Variants in CELF2 observed in about 807,000 individuals in gnomAD.
The protein encoded by CELF2 is CUG triplet repeat RNA-binding protein 2.
In CELF2, 8 loss-of-function variants were observed where a neutral mutation model predicts 62.6. That is an observed-to-expected ratio of 0.13 (90% CI 0.07 to 0.23). CELF2 has a LOEUF of 0.23. Among genes scored for constraint, CELF2 ranks in the 10% least tolerant of loss-of-function variants. CELF2 has a pLI of 1.00. For synonymous variants in CELF2, 258 were observed against 250.0 expected, an observed-to-expected ratio of 1.03 and a Z score of -0.30; for missense variants, 333 against 671.0, an observed-to-expected ratio of 0.50 and a Z score of 5.56.
At chr10:11,312,045 T>C (rs1020099500) in intron 9 of CELF2, among the ~76,000 whole-genome samples, 11 of 152,150 alleles carry the variant, frequency 7.2e-5, no homozygotes, top group African/African-American at 2.7e-4. Context: ...AGAAGATCTT[T>C]AAAACAGAGA....
chr10:11,014,923 A>G (rs1420061531), upstream of CELF2, among the ~76,000 whole-genome samples: 2 of 152,204 alleles, frequency 1.3e-5, no homozygotes, highest in Non-Finnish European at 2.9e-5. Context: ...AGCTAAAACT[A>G]TGAGGAAACT....
chr10:10,780,422 T>C, the CELF2 span, among the ~76,000 whole-genome samples: 1 of 152,184 alleles, frequency 6.6e-6, no homozygotes, highest in Non-Finnish European at 1.5e-5. Context: ...CCTCTTTCCA[T>C]CCTAATCTGT....
At chr10:10,998,724 A>C (rs1329867836) in intron 2 of CELF2, among the ~76,000 whole-genome samples, 2 of 152,170 alleles carry the variant, frequency 1.3e-5, no homozygotes, top group African/African-American at 4.8e-5. Flanking sequence ...TGAAGCATTA[A>C]ATGCAAAAAG....
Position 11,145,940 on chromosome 10 carries a change from A to C in CELF2, c.75-19546A>C, listed in dbSNP as rs2062187690. ...TTTCATTTTCTAACTACTACTTAAA[A>C]TCCAAGAACATTGTGAGAATACCTA... On this transcript the variant is annotated intron_variant, in intron 1 of 12. Transcript: ENST00000633077. This position sits in a 1 kb window ranked among gnomAD's most constrained non-coding sequence, Gnocchi z 4.3. Among the ~76,000 whole-genome samples, 1 of 152,172 alleles carries C rather than the reference A, an allele frequency of 6.6e-6. No individual in the cohort carries two copies. The highest frequency in any genetic ancestry group is 6.5e-5 in the Admixed American group (1 of 15,274).
intron 1 of CELF2, among the ~76,000 whole-genome samples, chr10:11,057,303 G>A (rs1043669558): frequency 2.0e-5 from 3 of 152,064 alleles, no homozygotes; most frequent in African/African-American, 7.2e-5. Flanking sequence ...GGGGTGGGGG[G>A]TGGTCCAGCC....
chr10:10,592,348 A>AT, the CELF2 span, among the ~76,000 whole-genome samples: 3 of 152,224 alleles, frequency 2.0e-5, no homozygotes, highest in Admixed American at 6.5e-5. Context: ...CTCTGGGTAG[A>AT]TTTTTTCTAT....
Position 11,217,488 on chromosome 10 carries a change from A to G in CELF2, c.335A>G (p.Asn112Ser). Residue 112 changes from asparagine to serine, a missense_variant, in exon 3 of 13, where the codon AAT becomes AGT. Physicochemically the swap from Asn to Ser is conservative, Grantham distance 46 (BLOSUM62 1). This residue lies in a region of CELF2 where 253 missense variants were observed against 503.0 expected (regional missense o/e 0.50). Coordinates refer to ENST00000633077, the MANE Select transcript of CELF2 (RefSeq NM_001326342.2). The surrounding 1 kb of genome is among the most constrained non-coding windows in gnomAD (Gnocchi z 5.6). ...CTTGAGGCCCAGAATGCACTGCACA[A>G]TATTAAAACTTTACCTGGGGTGAGT... ...AALEAQNALH[N>S]IKTLPGMHHP... 1.2e-6 allele frequency: 2 copies of G among 1,611,650 alleles called. No individual in the cohort carries two copies. Among genetic ancestry groups the G allele is most frequent in the Admixed American group, 3.3e-5 (2 of 59,800 alleles).
chr10:10,539,385 T>G, the CELF2 span, among the ~76,000 whole-genome samples: 1 of 152,214 alleles, frequency 6.6e-6, no homozygotes, highest in East Asian at 1.9e-4. Context: ...GATTGGCCTT[T>G]TGCTTAATTA....
chr10:10,778,425 C>T, the CELF2 span, among the ~76,000 whole-genome samples: 1 of 152,118 alleles, frequency 6.6e-6, no homozygotes, highest in Non-Finnish European at 1.5e-5. Context: ...TAGGTCAAGC[C>T]AGGAAAAGAG....
intron 9 of CELF2, among the ~76,000 whole-genome samples, chr10:11,303,946 G>T (rs1450379539): frequency 6.6e-6 from 1 of 152,196 alleles, no homozygotes; most frequent in Non-Finnish European, 1.5e-5. Flanking sequence ...CGTGCTTTTG[G>T]CAATGAGCAG....
chr10:10,889,798 G>A (rs1296020694), intron 1 of CELF2, among the ~76,000 whole-genome samples: 1 of 152,190 alleles, frequency 6.6e-6, no homozygotes, highest in African/African-American at 2.4e-5. Flanking sequence ...TATTGCATAG[G>A]AGAGTCTTCC....
the CELF2 span, among the ~76,000 whole-genome samples, chr10:10,778,712 A>T: frequency 6.6e-6 from 1 of 152,212 alleles, no homozygotes. Flanking sequence ...TATATGTAAA[A>T]AATGAATAAA....
intron 9 of CELF2, among the ~76,000 whole-genome samples, chr10:11,298,728 CT>C (rs2093428507): frequency 6.6e-6 from 1 of 151,372 alleles, no homozygotes; most frequent in African/African-American, 2.4e-5. Context: ...TAAATGTATA[CT>C]GGTGCTTTTT....
the CELF2 span, among the ~76,000 whole-genome samples, chr10:10,693,577 G>C: frequency 1.3e-5 from 2 of 151,072 alleles, no homozygotes; most frequent in African/African-American, 4.9e-5. Flanking sequence ...AATAGTTTCA[G>C]AAGGAATGGT....
At chr10:10,792,626 C>T in the CELF2 span, 8 of 391,254 alleles carry the variant, frequency 2.0e-5, no homozygotes, top group Admixed American at 3.6e-4. Context: ...GTGTGATTCC[C>T]TGGTCTATGA....
At chr10:10,855,299 C>G (rs1243254267) in intron 1 of CELF2, among the ~76,000 whole-genome samples, 1 of 152,176 alleles carries the variant, frequency 6.6e-6, no homozygotes, top group Non-Finnish European at 1.5e-5. Flanking sequence ...CAAGTGTGAT[C>G]AGGTGTAAAA....
In CELF2 at chr10:11,288,482, C is replaced by T. The variant is rs1206061617; in HGVS notation, c.906C>T (p.Thr302=). The T allele has an allele frequency of 6.2e-7, 1 of 1,613,876 alleles. No homozygotes were observed. The highest frequency in any genetic ancestry group is 8.5e-7 in the Non-Finnish European group (1 of 1,180,054). ...CTGCTGCTGCAGCTGCGGCCCAGAC[C>T]TCAGCCACCAGCACCAATGCAAACC... The part of the protein sequence containing the change: ...TLAAAAAAAQ[T]SATSTNANPL... Residue 302 remains threonine (T), a synonymous_variant, in exon 9 of 13, where the codon ACC becomes ACT. Transcript: ENST00000633077.
In CELF2 at chr10:11,029,000, C is replaced by T. The variant is rs1485029057; in HGVS notation, c.74+10837C>T. ...AAGTTCTGGGATTACAGGCGTGAGTCACTGCACCTGGCCAAGGACACGATT... is the reference window on the plus strand; with the variant it reads ...AAGTTCTGGGATTACAGGCGTGAGTTACTGCACCTGGCCAAGGACACGATT... On this transcript the variant is annotated intron_variant, in intron 1 of 12. Coordinates refer to ENST00000633077, the MANE Select transcript of CELF2 (RefSeq NM_001326342.2). 3.9e-5 allele frequency among the ~76,000 whole-genome samples: 6 copies of T among 152,300 alleles called. No individual in the cohort carries two copies. In the East Asian group the frequency reaches 9.6e-4, roughly 24 times the overall value.
At chr10:11,100,220 TAAAATAAA>T (rs1431203612) in intron 1 of CELF2, among the ~76,000 whole-genome samples, 2 of 120,322 alleles carry the variant, frequency 1.7e-5, no homozygotes, top group Non-Finnish European at 1.6e-5. Flanking sequence ...AATAAATAAA[TAAAATAAA>T]TAAATAAATA....
Sources: gnomAD v4.1 joint callset for allele counts (sites outside exome capture counted in the v4.1 genomes callset) on GRCh38, gnomAD v4.1.1 for gene constraint, gnomAD v4.1.1 regional missense constraint, Gnocchi (gnomAD v3.1) non-coding constraint, MANE v1.5 for transcripts, NCBI Gene and HGNC (gene_info 2026-07-23, HGNC 2026-07-21) for gene names.